The following CNTNAP2 variants were observed in gnomAD, a reference collection of about 807,000 sequenced individuals.
CNTNAP2 encodes the protein contactin-associated protein-like 2.
CNTNAP2 carries 98 observed loss-of-function variants against 155.2 expected under a neutral mutation model. The observed-to-expected ratio is 0.63, with a 90% CI of 0.54 to 0.75. The LOEUF (loss-of-function observed/expected upper bound fraction) is 0.75, where lower values mean the gene tolerates loss of function less well. Ranked by LOEUF, CNTNAP2 falls within the 30% of genes least tolerant of loss-of-function variation. CNTNAP2 has a pLI of 0.00. For missense variants in CNTNAP2, 1,727 were observed against 1,688.1 expected (o/e 1.02, Z -0.40); for synonymous variants, 651 against 631.2 (o/e 1.03, Z -0.47).
intron 10 of CNTNAP2, among the ~76,000 whole-genome samples, chr7:147,423,121 G>A (rs1375733881): frequency 6.6e-6 from 1 of 152,126 alleles, no homozygotes; most frequent in African/African-American, 2.4e-5. Flanking sequence ...TATACAACAG[G>A]TGGAGATATA....
intron 12 of CNTNAP2, among the ~76,000 whole-genome samples, chr7:147,614,612 G>C (rs1351396921): frequency 6.6e-6 from 1 of 151,026 alleles, no homozygotes; most frequent in East Asian, 2.0e-4. Flanking sequence ...TAATGATAAT[G>C]ATTATTATTA....
At chr7:147,776,560 A>G (rs1360140494) in intron 13 of CNTNAP2, among the ~76,000 whole-genome samples, 1 of 152,202 alleles carries the variant, frequency 6.6e-6, no homozygotes, top group Non-Finnish European at 1.5e-5. Context: ...TTAGCTGCTG[A>G]GATATTCATG....
chr7:146,502,047 A>C (rs1160989767), intron 1 of CNTNAP2, among the ~76,000 whole-genome samples: 1 of 151,854 alleles, frequency 6.6e-6, no homozygotes, highest in African/African-American at 2.4e-5. Flanking sequence ...TCTACTCCTA[A>C]CTACATGAAG....
At chr7:146,903,608 T>A (rs1796050806) in intron 3 of CNTNAP2, among the ~76,000 whole-genome samples, 1 of 152,190 alleles carries the variant, frequency 6.6e-6, no homozygotes, top group African/African-American at 2.4e-5. Context: ...AGATCTGACC[T>A]CTCTCTATCC....
intron 12 of CNTNAP2, among the ~76,000 whole-genome samples, chr7:147,594,438 C>A (rs1439500387): frequency 1.3e-5 from 2 of 152,130 alleles, no homozygotes; most frequent in East Asian, 3.9e-4. Context: ...TAACAGTGAG[C>A]AAGTTTTTAT....
intron 21 of CNTNAP2, among the ~76,000 whole-genome samples, chr7:148,305,171 T>C (rs1797467110): frequency 7.5e-6 from 1 of 133,300 alleles, no homozygotes; most frequent in Non-Finnish European, 1.5e-5. Flanking sequence ...TGCAGCGAGC[T>C]ATGATAGCAA....
intron 11 of CNTNAP2, among the ~76,000 whole-genome samples, chr7:147,488,808 C>G (rs1157615960): frequency 6.6e-6 from 1 of 152,022 alleles, no homozygotes; most frequent in Non-Finnish European, 1.5e-5. Context: ...TTACTTGTAC[C>G]CTAGGCCATT....
intron 3 of CNTNAP2, among the ~76,000 whole-genome samples, chr7:147,027,891 A>T (rs1430673638): frequency 6.6e-6 from 1 of 152,224 alleles, no homozygotes; most frequent in African/African-American, 2.4e-5. Context: ...GTGTGGGTGG[A>T]AAATAGAAAA....
intron 1 of CNTNAP2, among the ~76,000 whole-genome samples, chr7:146,510,199 C>T (rs1797445935): frequency 6.6e-6 from 1 of 152,200 alleles, no homozygotes; most frequent in Non-Finnish European, 1.5e-5. Context: ...TTATATTTCT[C>T]ATAGACAACA....
At chr7:147,229,056 T>TAGAG (rs3084363) in intron 8 of CNTNAP2, among the ~76,000 whole-genome samples, 2 of 151,780 alleles carry the variant, frequency 1.3e-5, no homozygotes, top group African/African-American at 4.8e-5. Flanking sequence ...TATATATATA[T>TAGAG]AGAGAGAGAG....
intron 21 of CNTNAP2, among the ~76,000 whole-genome samples, chr7:148,336,532 T>A (rs1798117392): frequency 8.5e-6 from 1 of 118,252 alleles, no homozygotes; most frequent in Non-Finnish European, 1.7e-5. Flanking sequence ...CTACACTTCC[T>A]GTTTGGTTGA....
intron 15 of CNTNAP2, among the ~76,000 whole-genome samples, chr7:148,092,139 G>A (rs1326861371): frequency 6.6e-6 from 1 of 152,176 alleles, no homozygotes; most frequent in Admixed American, 6.5e-5. Flanking sequence ...ATAAGTCTCT[G>A]GCCTGGACCT....
At chr7:148,133,882 G>C (rs1295256103) in intron 16 of CNTNAP2, 2 of 152,188 alleles carry the variant, frequency 1.3e-5, no homozygotes, top group Non-Finnish European at 1.5e-5. Flanking sequence ...AGGAGATGCA[G>C]CATTTGATTT....
chr7:148,152,669 A>G (rs1805317618), intron 17 of CNTNAP2, among the ~76,000 whole-genome samples: 1 of 152,152 alleles, frequency 6.6e-6, no homozygotes, highest in African/African-American at 2.4e-5. Context: ...AGGCAGTTTC[A>G]ATCTTCCAGC....
At chr7:146,909,235 CT>C (rs1208496909) in intron 3 of CNTNAP2, among the ~76,000 whole-genome samples, 5 of 147,192 alleles carry the variant, frequency 3.4e-5, no homozygotes, top group Non-Finnish European at 7.6e-5. Flanking sequence ...CAAGGAGGAA[CT>C]GGTACCATTC....
chr7:147,140,397 C>G (rs1041661202), intron 8 of CNTNAP2, among the ~76,000 whole-genome samples: 22 of 152,010 alleles, frequency 1.4e-4, no homozygotes, highest in African/African-American at 5.1e-4. Flanking sequence ...TTCTCTCCTT[C>G]CCTCATTCCA....
chr7:146,623,590 T>G (rs1799370225), intron 1 of CNTNAP2, among the ~76,000 whole-genome samples: 2 of 152,246 alleles, frequency 1.3e-5, no homozygotes, highest in Admixed American at 1.3e-4. Context: ...TGTCTTTGCA[T>G]GGCTTTTAGC....
intron 1 of CNTNAP2, among the ~76,000 whole-genome samples, chr7:146,651,322 C>G (rs1227907242): frequency 6.6e-6 from 1 of 151,984 alleles, no homozygotes; most frequent in East Asian, 1.9e-4. Flanking sequence ...ATAAACAAAC[C>G]CTTAACAGGT....
intron 1 of CNTNAP2, among the ~76,000 whole-genome samples, chr7:146,300,582 T>A (rs1003371883): frequency 2.6e-5 from 4 of 152,126 alleles, no homozygotes; most frequent in Non-Finnish European, 5.9e-5. Context: ...GGCTGATAGA[T>A]ACTTAAGAGG....
Sources: allele counts gnomAD v4.1 joint callset (sites outside exome capture counted in the v4.1 genomes callset), GRCh38; gene constraint gnomAD v4.1.1; transcripts MANE v1.5; gene names NCBI Gene and HGNC (gene_info 2026-07-23, HGNC 2026-07-21).